ARHGEF10L: variants seen among roughly 807,000 people sequenced by gnomAD.
The protein encoded by ARHGEF10L is Rho guanine nucleotide exchange factor 10 like.
ARHGEF10L carries 69 observed loss-of-function variants against 141.2 expected under a neutral mutation model. The observed-to-expected ratio is 0.49, with a 90% CI of 0.40 to 0.60. ARHGEF10L has a LOEUF of 0.60. ARHGEF10L is among the 20% of genes least tolerant of loss of function. ARHGEF10L has a pLI of 0.00. For synonymous variants in ARHGEF10L, 711 were observed against 718.5 expected (o/e 0.99, Z 0.17); for missense variants, 1,482 against 1,734.3 (o/e 0.85, Z 2.58).
intron 26 of ARHGEF10L, 81 bp downstream of exon 26, chr1:17,664,676 G>C (rs910216350): frequency 7.2e-6 from 10 of 1,396,884 alleles, no homozygotes; most frequent in Non-Finnish European, 9.3e-6. Context: ...CCCCGGCACC[G>C]CTTTCAGCTC....
rs1557884921 is a variant in ARHGEF10L, at chr1:17,634,818, CCT to C, written c.1746-12_1746-11del. On this transcript the variant is annotated splice_polypyrimidine_tract_variant and intron_variant, in intron 17 of 28. Transcript: ENST00000361221. The stretch of plus-strand genomic sequence containing the variant: ...GGCTGCAGCCTCTCCAGGGCCTTGT[CCT>C]CTCTGTTCCAACAGGGGCCAGCTGG... 6.2e-7 allele frequency: 1 copy of C among 1,605,358 alleles called. No homozygotes were observed. Among genetic ancestry groups the C allele is most frequent in the East Asian group, 2.2e-5 (1 of 44,546 alleles).
chr1:17,685,622 C>T lies in ARHGEF10L; in HGVS notation c.3010-1951C>T, dbSNP rs2064507167. On this transcript the variant is annotated intron_variant, in intron 26 of 28. Coordinates refer to ENST00000361221, the MANE Select transcript of ARHGEF10L (RefSeq NM_018125.4). Reference sequence around the variant, plus strand: ...TTTTAATTGCCTCCTGTCCTGAGAACGTTTGCCCCACAAGAGTGGGTCTTG... The same window carrying T: ...TTTTAATTGCCTCCTGTCCTGAGAATGTTTGCCCCACAAGAGTGGGTCTTG... Among the ~76,000 whole-genome samples, 2 of 152,240 alleles carry T rather than the reference C, an allele frequency of 1.3e-5. 1 individual carries two copies.
chr1:17,572,918 G>A (rs1375747191), intron 1 of ARHGEF10L, among the ~76,000 whole-genome samples: 1 of 152,150 alleles, frequency 6.6e-6, no homozygotes, highest in Non-Finnish European at 1.5e-5. Context: ...TCAGCCCTGA[G>A]GTGTAGCAGG....
At chr1:17,587,728 C>T (rs1193015533) in intron 3 of ARHGEF10L, 83 bp downstream of exon 3, 1 of 1,422,104 alleles carries the variant, frequency 7.0e-7, no homozygotes, top group Non-Finnish European at 9.4e-7. Context: ...CTCAGGGATG[C>T]CTGGTGGCCC....
At chr1:17,576,766 C>T (rs564854954) in intron 1 of ARHGEF10L, among the ~76,000 whole-genome samples, 1 of 152,332 alleles carries the variant, frequency 6.6e-6, no homozygotes, top group East Asian at 1.9e-4. Context: ...GTCTTACTCC[C>T]ACCGCCCCAG....
chr1:17,517,739 C>A, the ARHGEF10L span, among the ~76,000 whole-genome samples: 1 of 151,870 alleles, frequency 6.6e-6, no homozygotes, highest in Non-Finnish European at 1.5e-5. Flanking sequence ...TGGCTCACTG[C>A]AACCTCCACC....
intron 1 of ARHGEF10L, among the ~76,000 whole-genome samples, chr1:17,547,635 C>T (rs917827250): frequency 3.3e-5 from 5 of 152,156 alleles, no homozygotes; most frequent in African/African-American, 1.2e-4. Flanking sequence ...ATAACAGTCT[C>T]CCGAAATTGA....
rs561697317 is a variant in ARHGEF10L, at chr1:17,549,312, G to T, written c.-44+9362G>T. 2.0e-5 allele frequency among the ~76,000 whole-genome samples: 3 copies of T among 152,210 alleles called. No individual in the cohort carries two copies. The South Asian group carries it at 6.2e-4, about 32-fold the overall frequency. ...TGCTGGGATTACAGGTGTGAGCCAC[G>T]GTGCCCAGCCTCGTGAGTCTTATAT... On this transcript the variant is annotated intron_variant, in intron 1 of 28. Coordinates refer to ENST00000361221, the MANE Select transcript of ARHGEF10L (RefSeq NM_018125.4).
intron 7 of ARHGEF10L, 64 bp from the exon 8 acceptor site, chr1:17,612,994 C>A: frequency 8.8e-7 from 1 of 1,134,522 alleles, no homozygotes; most frequent in Non-Finnish European, 1.3e-6. Context: ...TGTGTTTTGT[C>A]TCCTTCCTGT....
At position 17,625,859 on chromosome 1, in the gene ARHGEF10L, G is replaced by C; in HGVS notation, c.1318-97G>C. 5.6e-6 allele frequency: 6 copies of C among 1,065,050 alleles called. No homozygotes were observed. Among genetic ancestry groups the C allele is most frequent in the South Asian group, 2.8e-5 (2 of 72,628 alleles). 66.0% of individuals were successfully genotyped at this position (1,065,050 alleles called of 1,614,324 possible). A position where few individuals can be genotyped will look rare whatever the true frequency, so the allele number is the denominator to read the frequency against. On this transcript the variant is annotated intron_variant, in intron 13 of 28. Coordinates refer to ENST00000361221, the MANE Select transcript of ARHGEF10L (RefSeq NM_018125.4). The surrounding 1 kb of genome is among the most constrained non-coding windows in gnomAD (Gnocchi z 4.5). ...AGGGATAGGCAGGGTCTTAGGGCCT[G>C]GGGAGAGGAGCCCAGAATGGGGACA...
At chr1:17,614,918 AG>A (rs1436599468) in intron 8 of ARHGEF10L, among the ~76,000 whole-genome samples, 1 of 152,018 alleles carries the variant, frequency 6.6e-6, no homozygotes, top group Non-Finnish European at 1.5e-5. Context: ...TGGGGACCAA[AG>A]GGTTATTGGA....
At chr1:17,604,110 A>G (rs969363098) in intron 6 of ARHGEF10L, among the ~76,000 whole-genome samples, 1 of 152,074 alleles carries the variant, frequency 6.6e-6, no homozygotes, top group African/African-American at 2.4e-5. Context: ...ATTAACAGGA[A>G]GAGCCGTCTT....
At chr1:17,522,747 G>A in the ARHGEF10L span, among the ~76,000 whole-genome samples, 198 of 152,100 alleles carry the variant, frequency 1.3e-3, 1 homozygote, top group Non-Finnish European at 1.9e-3. Flanking sequence ...ATGAGACTTT[G>A]GGACTTTCAG....
chr1:17,693,193 T>C (rs1230964769), intron 27 of ARHGEF10L, among the ~76,000 whole-genome samples: 1 of 152,242 alleles, frequency 6.6e-6, no homozygotes, highest in East Asian at 1.9e-4. Context: ...CCACTAGCTA[T>C]ATTTCCAGTG....
At chr1:17,519,223 C>T in the ARHGEF10L span, among the ~76,000 whole-genome samples, 1 of 149,286 alleles carries the variant, frequency 6.7e-6, no homozygotes, top group African/African-American at 2.5e-5. Context: ...AGGGCCAATT[C>T]TCTCGGAGCC....
intron 21 of ARHGEF10L, among the ~76,000 whole-genome samples, chr1:17,645,994 G>A (rs2061575453): frequency 6.6e-6 from 1 of 152,194 alleles, no homozygotes; most frequent in Admixed American, 6.5e-5. Flanking sequence ...TGGTGGCAGG[G>A]ATCAGGTCTT....
At chr1:17,652,538 CAG>C (rs2061996820) in intron 22 of ARHGEF10L, among the ~76,000 whole-genome samples, 1 of 152,156 alleles carries the variant, frequency 6.6e-6, no homozygotes. Flanking sequence ...GGTCAAGAAA[CAG>C]AAGCAAACAC....
chr1:17,653,859 C>T (rs74061910), intron 22 of ARHGEF10L, among the ~76,000 whole-genome samples: 2,848 of 152,350 alleles, frequency 0.019, 92 homozygotes, highest in African/African-American at 0.065. Flanking sequence ...ATGAGGTGAC[C>T]TCTTAGGGCC....
chr1:17,639,846 A>T lies in ARHGEF10L; in HGVS notation c.2172-356A>T, dbSNP rs974112167. ...CCTCCCTCTAGAGGCACGTGGTCAG[A>T]CATGTAAGGTGTCTAAGACCTGTGG... On this transcript the variant is annotated intron_variant, in intron 20 of 28. Coordinates refer to ENST00000361221, the MANE Select transcript of ARHGEF10L (RefSeq NM_018125.4). The surrounding 1 kb of genome is among the most constrained non-coding windows in gnomAD (Gnocchi z 4.3). 1 of 1,358,342 alleles carries T rather than the reference A, an allele frequency of 7.4e-7. No individual in the cohort carries two copies. The highest frequency in any genetic ancestry group is 9.7e-7 in the Non-Finnish European group (1 of 1,034,078). 84.1% of individuals were successfully genotyped at this position (1,358,342 alleles called of 1,614,324 possible). A position where few individuals can be genotyped will look rare whatever the true frequency, so the allele number is the denominator to read the frequency against.
Sources: allele counts gnomAD v4.1 joint callset (sites outside exome capture counted in the v4.1 genomes callset), GRCh38; gene constraint gnomAD v4.1.1; non-coding constraint Gnocchi (gnomAD v3.1); transcripts MANE v1.5; gene names NCBI Gene and HGNC (gene_info 2026-07-23, HGNC 2026-07-21).